Variants in MYH3 observed in about 807,000 individuals in gnomAD.
The protein encoded by MYH3 is myosin heavy chain 3.
In MYH3, 130 loss-of-function variants were observed where a neutral mutation model predicts 238.0. The observed-to-expected ratio is 0.55, with a 90% confidence interval of 0.47 to 0.63. The LOEUF (loss-of-function observed/expected upper bound fraction) is 0.63, where lower values mean the gene tolerates loss of function less well. Ranked by LOEUF, MYH3 falls within the 30% of genes least tolerant of loss-of-function variation. The pLI, the probability that MYH3 is intolerant of heterozygous loss-of-function variation, is 0.00. For synonymous variants in MYH3, 880 were observed against 924.1 expected (o/e 0.95, Z 0.86); for missense variants, 1,853 against 2,374.9 (o/e 0.78, Z 4.57).
intron 4 of MYH3, 187 bp downstream of exon 4, chr17:10,652,233 T>A: frequency 1.3e-6 from 1 of 750,984 alleles, no homozygotes; most frequent in Non-Finnish European, 2.2e-6. Context: ...CCTTCCCACC[T>A]TCCTTCTTCC....
Position 10,631,854 on chromosome 17 carries a change from G to T in MYH3, c.5119C>A (p.Leu1707Ile). 1.9e-6 allele frequency: 3 copies of T among 1,614,124 alleles called. No homozygotes were observed. Among genetic ancestry groups the T allele is most frequent in the Non-Finnish European group, 2.5e-6 (3 of 1,180,030 alleles). The change falls in exon 35 of 41, where the codon CTC becomes ATC. Residue 1707 changes from leucine to isoleucine, a missense_variant. Physicochemically the swap from Leu to Ile is conservative, Grantham distance 5. This residue lies in a region of MYH3 where 1,044 missense variants were observed against 1,192.6 expected (regional missense o/e 0.88). Transcript: ENST00000583535. ...TGCACCCTCTCGTTGGAGTCCAGGA[G>T]CTCCTGTTCCGCCAGTTTCCGGGCC... ...ERARKLAEQE[L>I]LDSNERVQLL...
intron 40 of MYH3, among the ~76,000 whole-genome samples, chr17:10,629,225 T>A (rs56276990): frequency 2.0e-5 from 3 of 151,396 alleles, no homozygotes; most frequent in Non-Finnish European, 4.4e-5. Context: ...TTCCCCTCCC[T>A]GTGTCCACGT....
At position 10,639,648 on chromosome 17, in the gene MYH3, T is replaced by A; in HGVS notation, c.2837A>T (p.Asp946Val). 1.2e-6 allele frequency: 2 copies of A among 1,614,096 alleles called. No individual in the cohort carries two copies. The highest frequency in any genetic ancestry group is 8.5e-7 in the Non-Finnish European group (1 of 1,180,020). ...GTCTTTCTTGAGCTCTGAGCATTCA[T>A]CCTCCAGTTTCCTCTTCTTGGCCGT... ...ELTAKKRKLE[D>V]ECSELKKDID... Residue 946 changes from aspartate (D) to valine (V), a missense_variant, in exon 23 of 41, where the codon GAT (aspartate) becomes GTT (valine). Physicochemically the swap from Asp to Val is radical, Grantham distance 152. Around this residue, in one of 3 missense-constraint regions of MYH3, gnomAD observed 678 missense variants for 1,058.9 expected, o/e 0.64. Coordinates refer to ENST00000583535, the MANE Select transcript of MYH3 (RefSeq NM_002470.4).
Position 10,650,361 on chromosome 17 carries a change from C to CA in MYH3, c.533+12dup, listed in dbSNP as rs769316777. On this transcript the variant is annotated intron_variant, in intron 6 of 40. Coordinates refer to ENST00000583535, the MANE Select transcript of MYH3 (RefSeq NM_002470.4). ...GCACAGCTATGAAACCACTCTATGC[C>CA]ATGGATACTTACGTGATCAGAATGG... 6 of 1,609,408 alleles carry CA rather than the reference C, an allele frequency of 3.7e-6. No individual in the cohort carries two copies. In the African/African-American group the frequency reaches 6.7e-5, roughly 18 times the overall value.
the MYH3 span, among the ~76,000 whole-genome samples, chr17:10,669,566 C>CAA: frequency 1.2e-4 from 12 of 96,416 alleles, no homozygotes; most frequent in East Asian, 1.7e-3. Flanking sequence ...GAGTCCATCT[C>CAA]AAAAAAAAAA....
chr17:10,672,148 T>C, the MYH3 span, among the ~76,000 whole-genome samples: 1 of 152,186 alleles, frequency 6.6e-6, no homozygotes, highest in African/African-American at 2.4e-5. Context: ...AAAACTCATG[T>C]TCATTTTAAA....
chr17:10,639,333 T>A lies in MYH3; in HGVS notation c.3067A>T (p.Lys1023Ter). 6.2e-7 allele frequency: 1 copy of A among 1,614,202 alleles called. No individual in the cohort carries two copies. Among genetic ancestry groups the A allele is most frequent in the South Asian group, 1.1e-5 (1 of 91,080 alleles). The change falls in exon 24 of 41, where the codon AAA becomes TAA. Residue 1023 changes from lysine (K) to a stop codon, truncating the protein, a stop_gained. Coordinates refer to ENST00000583535, the MANE Select transcript of MYH3 (RefSeq NM_002470.4). LOFTEE classifies it high-confidence loss of function. ...TGCTGTTCCAGTTTGCTCTTGGTTT[T>A]GTTCAAAGAATTGACTTTGTCTTCT... ...AEEDKVNSLN[K>*]TKSKLEQQVE...
chr17:10,675,892 C>G, the MYH3 span: 1 of 152,104 alleles, frequency 6.6e-6, no homozygotes, highest in Non-Finnish European at 1.5e-5. Flanking sequence ...TGGGTGCAAA[C>G]ATGGACAAAG....
chr17:10,633,487 A>G lies in MYH3; in HGVS notation c.4647+104T>C, dbSNP rs2074184302. On this transcript the variant is annotated intron_variant, in intron 33 of 40. Transcript: ENST00000583535. ...GAAAGCAGCAGGCATTAGGACTGTG[A>G]TTTGACAAAGGCAAAAATGGAGACA... is the stretch of plus-strand genomic sequence containing the variant. 2.7e-6 allele frequency: 4 copies of G among 1,501,202 alleles called. No individual in the cohort carries two copies. The South Asian group carries it at 4.5e-5, about 17-fold the overall frequency. 93.0% of individuals were successfully genotyped at this position (1,501,202 alleles called of 1,614,324 possible).
Position 10,642,184 on chromosome 17 carries a change from C to T in MYH3, c.1959+56G>A. On this transcript the variant is annotated intron_variant, in intron 17 of 40. Coordinates refer to ENST00000583535, the MANE Select transcript of MYH3 (RefSeq NM_002470.4). The surrounding 1 kb of genome is among the most constrained non-coding windows in gnomAD (Gnocchi z 5.4). ...AATCAAGCTTAGAATCTCAGCATTG[C>T]TCATTTAGATGTCACTTAAATCAAT... The T allele has an allele frequency of 1.4e-6, 2 of 1,474,174 alleles. No homozygotes were observed. Among genetic ancestry groups the T allele is most frequent in the Non-Finnish European group, 1.9e-6 (2 of 1,059,480 alleles). 91.3% of individuals were successfully genotyped at this position (1,474,174 alleles called of 1,614,324 possible). A position where few individuals can be genotyped will look rare whatever the true frequency, so the allele number is the denominator to read the frequency against.
upstream of MYH3, among the ~76,000 whole-genome samples, chr17:10,659,286 C>T (rs2142440365): frequency 6.6e-6 from 1 of 152,310 alleles, no homozygotes; most frequent in Non-Finnish European, 1.5e-5. Context: ...CACGTTAGGA[C>T]CTAATACAAG....
intron 14 of MYH3, among the ~76,000 whole-genome samples, 177 bp downstream of exon 14, chr17:10,644,169 CAAACA>C (rs2074299198): frequency 3.0e-5 from 1 of 33,450 alleles, no homozygotes; most frequent in South Asian, 9.0e-4. Context: ...AAAAAAAAAA[CAAACA>C]AAAAACCCTA....
rs267604728 is a variant in MYH3 at position 10,654,948 on chromosome 17, G to A, written c.117C>T (p.Phe39=). The A allele has an allele frequency of 8.7e-6, 14 of 1,614,198 alleles. No individual in the cohort carries two copies. The highest frequency in any genetic ancestry group is 1.6e-4 in the Middle Eastern group (1 of 6,062). Residue 39 remains phenylalanine (F), a synonymous_variant, in exon 3 of 41, where the codon TTC becomes TTT. Coordinates refer to ENST00000583535, the MANE Select transcript of MYH3 (RefSeq NM_002470.4). The surrounding 1 kb of genome is among the most constrained non-coding windows in gnomAD (Gnocchi z 4.5). ...CATATTCTTCCTTTGAGTCCACCAC[G>A]AAGCAATACGTCTTGGCATCAAAGG... is the stretch of plus-strand genomic sequence containing the variant. ...NQPFDAKTYC[F]VVDSKEEYAK...
chr17:10,670,982 T>A, the MYH3 span, among the ~76,000 whole-genome samples: 1,880 of 152,106 alleles, frequency 0.012, 22 homozygotes, highest in Middle Eastern at 0.024. This position sits in a 1 kb window ranked among gnomAD's most constrained non-coding sequence, Gnocchi z 7.0. Flanking sequence ...CTCCAGCCCC[T>A]GGATTCAAGT....
In MYH3 at chr17:10,646,031, C is replaced by T; in HGVS notation, c.900G>A (p.Glu300=). ...ILSNKKPELI[E]LLLITTNPYD... ...AAGGGTTGGTCGTAATAAGCAGCAGCTCTGAAATGACAAATAGTTCCAGGA... is the reference window on the plus strand; with the variant it reads ...AAGGGTTGGTCGTAATAAGCAGCAGTTCTGAAATGACAAATAGTTCCAGGA... Residue 300 remains glutamate (E), a splice_region_variant and synonymous_variant, in exon 11 of 41, where the codon GAG becomes GAA. Transcript: ENST00000583535. The T allele has an allele frequency of 6.2e-7, 1 of 1,612,642 alleles. No individual in the cohort carries two copies. The highest frequency in any genetic ancestry group is 8.5e-7 in the Non-Finnish European group (1 of 1,178,712).
chr17:10,676,881 T>C, the MYH3 span: 1 of 152,206 alleles, frequency 6.6e-6, no homozygotes, highest in African/African-American at 2.4e-5. Context: ...TAGAAAATAA[T>C]TACCCCTATA....
At chr17:10,656,951 G>A (rs1340430507) in intron 1 of MYH3, among the ~76,000 whole-genome samples, 2 of 152,164 alleles carry the variant, frequency 1.3e-5, no homozygotes, top group Non-Finnish European at 2.9e-5. Flanking sequence ...AGAGGCAATG[G>A]GAGAAGGTCA....
chr17:10,631,493 C>A, intron 36 of MYH3, 118 bp downstream of exon 36: 2 of 1,484,508 alleles, frequency 1.3e-6, no homozygotes, highest in East Asian at 2.3e-5. Flanking sequence ...TGGGAGCCCT[C>A]GGGGAGCAGA....
chr17:10,671,299 C>T, the MYH3 span, among the ~76,000 whole-genome samples: 4 of 152,106 alleles, frequency 2.6e-5, no homozygotes, highest in East Asian at 5.8e-4. Flanking sequence ...AATTCTTGTG[C>T]ATATCTATGA....
Sources: gnomAD v4.1 joint callset for allele counts (sites outside exome capture counted in the v4.1 genomes callset) on GRCh38, gnomAD v4.1.1 for gene constraint, gnomAD v4.1.1 regional missense constraint, Gnocchi (gnomAD v3.1) non-coding constraint, MANE v1.5 for transcripts, NCBI Gene and HGNC (gene_info 2026-07-23, HGNC 2026-07-21) for gene names.